TMOD3: variants seen among roughly 807,000 people sequenced by gnomAD.
TMOD3 encodes the protein tropomodulin 3, also known as tropomodulin-3.
TMOD3 carries 20 observed loss-of-function variants against 39.2 expected under a neutral mutation model. The observed-to-expected ratio is 0.51, with a 90% CI of 0.36 to 0.74. The LOEUF (loss-of-function observed/expected upper bound fraction) is 0.74, where lower values mean the gene tolerates loss of function less well. Among genes scored for constraint, TMOD3 ranks in the 30% least tolerant of loss-of-function variants. The pLI is 0.00. For missense variants in TMOD3, 381 were observed against 412.8 expected (o/e 0.92, Z 0.67); for synonymous variants, 143 against 145.8 (o/e 0.98, Z 0.14).
intron 1 of TMOD3, among the ~76,000 whole-genome samples, chr15:51,836,130 C>T (rs575339346): frequency 7.9e-5 from 12 of 152,270 alleles, no homozygotes; most frequent in African/African-American, 2.9e-4. Context: ...TAACATATAA[C>T]AGCTTTAGTG....
At chr15:51,885,684 A>C (rs1042572167) in intron 3 of TMOD3, among the ~76,000 whole-genome samples, 2 of 152,148 alleles carry the variant, frequency 1.3e-5, no homozygotes, top group African/African-American at 4.8e-5. Flanking sequence ...TCCTATGTCC[A>C]CCTCTTTCTA....
At chr15:51,841,296 G>C (rs1312801797) in intron 1 of TMOD3, among the ~76,000 whole-genome samples, 5 of 152,124 alleles carry the variant, frequency 3.3e-5, no homozygotes, top group Non-Finnish European at 2.9e-5. Context: ...TTCCTATGAT[G>C]TAATTAAGAT....
chr15:51,859,715 A>G, intron 1 of TMOD3: 1 of 484,822 alleles, frequency 2.1e-6, no homozygotes, highest in Admixed American at 2.5e-5. Context: ...AAGCATGGCT[A>G]TGTCAGGGCT....
At chr15:51,834,646 C>T in intron 1 of TMOD3, among the ~76,000 whole-genome samples, 1 of 152,128 alleles carries the variant, frequency 6.6e-6, no homozygotes, top group Admixed American at 6.5e-5. Context: ...GTCTGGGCAA[C>T]ATGACAAAAC....
At chr15:51,840,624 A>G (rs2056308428) in intron 1 of TMOD3, among the ~76,000 whole-genome samples, 1 of 152,222 alleles carries the variant, frequency 6.6e-6, no homozygotes, top group Non-Finnish European at 1.5e-5. Flanking sequence ...TTTAAATGTC[A>G]TTTTTAAAAT....
intron 3 of TMOD3, among the ~76,000 whole-genome samples, chr15:51,882,557 C>G (rs994821561): frequency 6.6e-6 from 1 of 152,112 alleles, no homozygotes; most frequent in Non-Finnish European, 1.5e-5. Context: ...GTCGTAGTAC[C>G]ATTTGTTGAA....
Position 51,889,127 on chromosome 15 carries a change from G to T in TMOD3, c.478G>T (p.Asp160Tyr). The change falls in exon 5 of 10, where the codon GAC becomes TAC. Residue 160 changes from aspartate to tyrosine, a missense_variant. Transcript: ENST00000308580. ...CNIMGSSNGV[D>Y]QEHFSNVVKG... ...TATAATGGGAAGTAGTAATGGTGTT[G>T]ACCAAGAACATTTTTCAAGTGAGTA... is the stretch of plus-strand genomic sequence containing the variant. 3 of 1,600,786 alleles carry T rather than the reference G, an allele frequency of 1.9e-6. No individual in the cohort carries two copies. The South Asian group carries it at 3.4e-5, about 18-fold the overall frequency.
At chr15:51,860,096 G>C (rs1037800670) in intron 1 of TMOD3, 1 of 499,524 alleles carries the variant, frequency 2.0e-6, no homozygotes, top group Admixed American at 2.0e-5. Flanking sequence ...GTCTTATTTC[G>C]TTGTAGGCTG....
At chr15:51,889,849 G>T (rs1297661984) in intron 5 of TMOD3, among the ~76,000 whole-genome samples, 2 of 152,144 alleles carry the variant, frequency 1.3e-5, no homozygotes, top group African/African-American at 4.8e-5. Context: ...GGGCAACAGT[G>T]CAAGACCCTA....
At chr15:51,869,738 A>G (rs1480959189) in intron 3 of TMOD3, among the ~76,000 whole-genome samples, 1 of 152,246 alleles carries the variant, frequency 6.6e-6, no homozygotes, top group Non-Finnish European at 1.5e-5. Context: ...GTGGAATGCC[A>G]TAAAACAATT....
chr15:51,907,473 G>A (rs549018003), intron 9 of TMOD3, among the ~76,000 whole-genome samples: 5 of 152,300 alleles, frequency 3.3e-5, no homozygotes, highest in South Asian at 4.1e-4. Context: ...TCATCTGAAC[G>A]TATGGTCTTA....
intron 2 of TMOD3, among the ~76,000 whole-genome samples, chr15:51,866,357 C>T (rs550826355): frequency 2.6e-5 from 4 of 152,140 alleles, no homozygotes; most frequent in African/African-American, 9.6e-5. Flanking sequence ...ACTCCAGAGG[C>T]CTAGGCAGGA....
rs557362884 is a variant in TMOD3, at chr15:51,896,992, T to C, written c.735+466T>C. Among the ~76,000 whole-genome samples the C allele has an allele frequency of 2.0e-4, 30 of 152,384 alleles. No homozygotes were observed. The South Asian group carries it at 5.6e-3, about 28-fold the overall frequency. On this transcript the variant is annotated intron_variant, in intron 7 of 9. Coordinates refer to ENST00000308580, the MANE Select transcript of TMOD3 (RefSeq NM_014547.5). ...AATGTGGTGTATTGATTGACTTTTA[T>C]ATGTTGAACCAGCCTTTCATTCCTG...
chr15:51,904,950 C>A (rs946748061), intron 9 of TMOD3, among the ~76,000 whole-genome samples: 1 of 152,196 alleles, frequency 6.6e-6, no homozygotes, highest in African/African-American at 2.4e-5. Flanking sequence ...CGGGAACTCT[C>A]TAGACTCCCA....
chr15:51,859,982 CA>C, intron 1 of TMOD3: 1 of 545,142 alleles, frequency 1.8e-6, no homozygotes, highest in Non-Finnish European at 3.7e-6. Context: ...TCTTTCCAAG[CA>C]AAAGGTGATA....
intron 1 of TMOD3, among the ~76,000 whole-genome samples, chr15:51,830,969 C>T (rs1297480908): frequency 1.3e-5 from 2 of 152,122 alleles, no homozygotes; most frequent in African/African-American, 2.4e-5. Context: ...TATTTTAATT[C>T]TTTGAGCTTT....
At chr15:51,851,550 A>G (rs148965394) in intron 1 of TMOD3, among the ~76,000 whole-genome samples, 143 of 152,320 alleles carry the variant, frequency 9.4e-4, no homozygotes, top group African/African-American at 3.4e-3. Context: ...GTTTGTTCAT[A>G]AACTGTCATA....
At chr15:51,878,256 G>T (rs34885745) in intron 3 of TMOD3, among the ~76,000 whole-genome samples, 88 of 152,198 alleles carry the variant, frequency 5.8e-4, no homozygotes, top group Non-Finnish European at 1.0e-3. Flanking sequence ...TTCTGGCCAG[G>T]TATGGTAACT....
chr15:51,889,500 T>G (rs190819035), intron 5 of TMOD3, among the ~76,000 whole-genome samples: 134 of 152,286 alleles, frequency 8.8e-4, no homozygotes, highest in Admixed American at 3.3e-3. Flanking sequence ...ATTCAGGAGA[T>G]ACCACAAAAC....
Sources: gnomAD v4.1 joint callset for allele counts (sites outside exome capture counted in the v4.1 genomes callset) on GRCh38, gnomAD v4.1.1 for gene constraint, MANE v1.5 for transcripts, NCBI Gene and HGNC (gene_info 2026-07-23, HGNC 2026-07-21) for gene names.